Variants in NELL1 observed in about 807,000 individuals in gnomAD.
NELL1 encodes the protein protein kinase C-binding protein NELL1.
NELL1 carries 76 observed loss-of-function variants against 107.4 expected under a neutral mutation model. That is an observed-to-expected ratio of 0.71 (90% CI 0.59 to 0.86). The LOEUF (loss-of-function observed/expected upper bound fraction) is 0.86. Ranked by LOEUF, NELL1 falls within the 40% of genes least tolerant of loss-of-function variation. The pLI, the probability that NELL1 is intolerant of heterozygous loss-of-function variation, is 0.00. For synonymous variants in NELL1, 353 were observed against 341.2 expected (o/e 1.03, Z -0.38); for missense variants, 1,024 against 1,005.5 (o/e 1.02, Z -0.25).
chr11:20,910,209 C>T (rs950636017), intron 5 of NELL1, among the ~76,000 whole-genome samples: 5 of 152,134 alleles, frequency 3.3e-5, no homozygotes, highest in South Asian at 2.1e-4. Context: ...GGCTTGTTCC[C>T]GTGGTGCTCG....
intron 12 of NELL1, among the ~76,000 whole-genome samples, chr11:21,059,786 T>C (rs979754223): frequency 2.0e-5 from 3 of 152,148 alleles, no homozygotes; most frequent in African/African-American, 7.2e-5. Context: ...TGGAATTAAG[T>C]AGAATAGGCT....
chr11:21,570,912 C>T lies in NELL1; in HGVS notation c.2129C>T (p.Thr710Ile), dbSNP rs754480107. 7 of 1,611,440 alleles carry T rather than the reference C, an allele frequency of 4.3e-6. No homozygotes were observed. The highest frequency in any genetic ancestry group is 1.3e-5 in the African/African-American group (1 of 74,686). The change falls in exon 18 of 20, where the codon ACC becomes ATC. Residue 710 changes from threonine (T) to isoleucine (I), a missense_variant. Coordinates refer to ENST00000357134, the MANE Select transcript of NELL1 (RefSeq NM_006157.5). ...HKLYRSGDNW[T>I]HSCQQCRCLE... ...CTGTATCGAAGTGGAGACAATTGGA[C>T]CCATAGCTGTCAGCAGTGTCGGTGT...
chr11:21,320,731 G>A (rs1212261115), intron 14 of NELL1, among the ~76,000 whole-genome samples: 1 of 152,130 alleles, frequency 6.6e-6, no homozygotes, highest in Non-Finnish European at 1.5e-5. Flanking sequence ...CTAGACATCA[G>A]CTCTAAAAGC....
chr11:20,885,608 T>G (rs938900812), intron 5 of NELL1, 68 bp downstream of exon 5: 1 of 972,006 alleles, frequency 1.0e-6, no homozygotes, highest in African/African-American at 1.6e-5. Context: ...TGTTATTTAT[T>G]GGAGCCGTGT....
intron 2 of NELL1, chr11:20,769,300 C>T (rs1328666535): frequency 6.6e-6 from 1 of 152,130 alleles, no homozygotes; most frequent in Non-Finnish European, 1.5e-5. Flanking sequence ...CTAGACAGCC[C>T]CGGAGGTAGG....
At chr11:21,425,729 G>A (rs964494929) in intron 15 of NELL1, among the ~76,000 whole-genome samples, 3 of 152,108 alleles carry the variant, frequency 2.0e-5, no homozygotes, top group African/African-American at 7.2e-5. Context: ...TAAGTTTGTA[G>A]TAATTTGCTA....
chr11:20,916,649 T>G (rs1182768842), intron 5 of NELL1, among the ~76,000 whole-genome samples: 4 of 151,980 alleles, frequency 2.6e-5, no homozygotes, highest in African/African-American at 9.7e-5. Flanking sequence ...TGTCCTGGTT[T>G]GCCTAGGAGC....
chr11:20,680,944 G>C (rs544946243), intron 2 of NELL1, among the ~76,000 whole-genome samples: 2 of 152,088 alleles, frequency 1.3e-5, no homozygotes, highest in Non-Finnish European at 2.9e-5. Context: ...CTTATCCACA[G>C]ATCTGTCCTA....
intron 17 of NELL1, among the ~76,000 whole-genome samples, chr11:21,564,675 G>A (rs1024347060): frequency 6.6e-6 from 1 of 151,928 alleles, no homozygotes; most frequent in African/African-American, 2.4e-5. Context: ...GACTTGAGCA[G>A]TGTTAGTTCT....
chr11:21,389,579 T>C (rs1261752872), intron 15 of NELL1, among the ~76,000 whole-genome samples: 1 of 151,768 alleles, frequency 6.6e-6, no homozygotes, highest in African/African-American at 2.4e-5. Flanking sequence ...CTATGATATG[T>C]ATATAGAAAA....
chr11:21,198,773 T>C (rs555613733), intron 13 of NELL1, among the ~76,000 whole-genome samples: 47 of 152,310 alleles, frequency 3.1e-4, no homozygotes, highest in South Asian at 1.0e-3. Context: ...TCAAAGTCTA[T>C]CCTCTGCCTC....
chr11:21,558,992 G>A (rs530140402), intron 16 of NELL1, among the ~76,000 whole-genome samples: 1 of 152,116 alleles, frequency 6.6e-6, no homozygotes, highest in South Asian at 2.1e-4. Context: ...TTACCATACA[G>A]GCATCATAAT....
At chr11:21,198,049 C>T (rs993868416) in intron 13 of NELL1, among the ~76,000 whole-genome samples, 9 of 152,204 alleles carry the variant, frequency 5.9e-5, no homozygotes, top group Non-Finnish European at 1.3e-4. Flanking sequence ...GGGAAAACTT[C>T]AAGTGCTGAG....
chr11:21,115,398 G>T (rs1324741981), intron 13 of NELL1, among the ~76,000 whole-genome samples: 1 of 151,496 alleles, frequency 6.6e-6, no homozygotes, highest in African/African-American at 2.4e-5. Context: ...TGTTGTGTGT[G>T]TGCCTAAGAG....
At chr11:20,799,063 G>A (rs1857230117) in intron 3 of NELL1, among the ~76,000 whole-genome samples, 2 of 152,186 alleles carry the variant, frequency 1.3e-5, no homozygotes, top group Non-Finnish European at 2.9e-5. Context: ...AGAGAAGCTG[G>A]AGAGGGCTTT....
At chr11:21,550,404 A>C (rs983562472) in intron 16 of NELL1, among the ~76,000 whole-genome samples, 6 of 151,904 alleles carry the variant, frequency 3.9e-5, no homozygotes, top group African/African-American at 1.5e-4. Flanking sequence ...TTTAGACCTG[A>C]AGTCCTTGCC....
chr11:21,004,201 G>A (rs1251142100), intron 12 of NELL1, among the ~76,000 whole-genome samples: 2 of 152,006 alleles, frequency 1.3e-5, no homozygotes, highest in African/African-American at 2.4e-5. Flanking sequence ...TTGAGTGGCG[G>A]GGAATAGCTG....
intron 3 of NELL1, among the ~76,000 whole-genome samples, chr11:20,817,834 AT>A (rs34729354): frequency 0.91 from 137,378 of 150,978 alleles, 63,830 homozygotes; most frequent in East Asian, 1. Flanking sequence ...TGTTTTAAAG[AT>A]TTTTTTTTTG....
In NELL1 at chr11:21,419,954, A is replaced by C. The variant is rs111552105; in HGVS notation, c.1645+49006A>C. On this transcript the variant is annotated intron_variant, in intron 15 of 19. Transcript: ENST00000357134. ...TGGTCACTTATTGACAATTTGTTAT[A>C]ATCCTATTTTTTTATTGCTTGCTGA... Among the ~76,000 whole-genome samples, 165 of 152,140 alleles carry C rather than the reference A, an allele frequency of 1.1e-3. 3 individuals are homozygous for C. The highest frequency in any genetic ancestry group is 3.8e-3 in the African/African-American group (159 of 41,512).
Sources: gnomAD v4.1 joint callset for allele counts (sites outside exome capture counted in the v4.1 genomes callset) on GRCh38, gnomAD v4.1.1 for gene constraint, MANE v1.5 for transcripts, NCBI Gene and HGNC (gene_info 2026-07-23, HGNC 2026-07-21) for gene names.